GPR176: variants seen among roughly 807,000 people sequenced by gnomAD.
GPR176 encodes G-protein coupled receptor 176.
In GPR176, 26 loss-of-function variants were observed where a neutral mutation model predicts 35.4. The ratio of observed to expected loss-of-function variants is 0.74; its 90% CI spans 0.54 to 1.02. The LOEUF (loss-of-function observed/expected upper bound fraction) is 1.02, where lower values mean the gene tolerates loss of function less well. Among genes scored for constraint, GPR176 ranks in the 50% least tolerant of loss-of-function variants. The pLI is 0.00. For missense variants in GPR176, 597 were observed against 665.3 expected, an observed-to-expected ratio of 0.90 and a Z score of 1.13; for synonymous variants, 278 against 271.3, an observed-to-expected ratio of 1.02 and a Z score of -0.24.
chr15:39,871,160 C>A (rs1201093780), intron 1 of GPR176, among the ~76,000 whole-genome samples: 1 of 152,156 alleles, frequency 6.6e-6, no homozygotes, highest in Non-Finnish European at 1.5e-5. Context: ...TAAGGACAGA[C>A]TTTGGGAGGG....
In GPR176 at chr15:39,799,828, A is replaced by G. The variant is rs542922594; in HGVS notation, c.*1304T>C. 1 of 152,398 alleles carries G rather than the reference A, an allele frequency of 6.6e-6. No homozygotes were observed. The highest frequency in any genetic ancestry group is 1.9e-4 in the East Asian group (1 of 5,186). The allele number at this position is 152,398 out of a possible 1,614,324, so 9.4% of individuals were successfully genotyped here. On this transcript the variant is annotated 3_prime_UTR_variant, in exon 3 of 3. Coordinates refer to ENST00000561100, the MANE Select transcript of GPR176 (RefSeq NM_007223.3). ...GGGTCCCAAATTGCTTGTGAGGCTG[A>G]TGAGTTGAGGACACTGCCCTCCCTC...
intron 2 of GPR176, among the ~76,000 whole-genome samples, chr15:39,803,606 C>G (rs1899021748): frequency 6.6e-6 from 1 of 152,022 alleles, no homozygotes; most frequent in African/African-American, 2.4e-5. Context: ...TTCTGAGCAC[C>G]ACCTATGCAC....
intron 1 of GPR176, among the ~76,000 whole-genome samples, chr15:39,918,644 G>C (rs941121934): frequency 6.6e-6 from 1 of 151,410 alleles, no homozygotes; most frequent in African/African-American, 2.4e-5. Flanking sequence ...TAACATCCCA[G>C]TCATAAAAAC....
At chr15:39,912,463 A>G (rs1021292133) in intron 1 of GPR176, among the ~76,000 whole-genome samples, 3 of 151,880 alleles carry the variant, frequency 2.0e-5, no homozygotes, top group African/African-American at 7.3e-5. Flanking sequence ...CCAAGAAAAA[A>G]AAAAAATTAT....
At chr15:39,805,571 T>A (rs1009478844) in intron 2 of GPR176, among the ~76,000 whole-genome samples, 6 of 152,240 alleles carry the variant, frequency 3.9e-5, no homozygotes, top group African/African-American at 1.4e-4. Context: ...AACGAGAATG[T>A]GGACACACTC....
chr15:39,860,753 A>C (rs1274727593), intron 1 of GPR176: 3 of 152,188 alleles, frequency 2.0e-5, no homozygotes, highest in Non-Finnish European at 4.4e-5. Context: ...GAAGAGCCTG[A>C]TTGACTTTGC....
At chr15:39,829,072 G>T (rs945090001) in intron 1 of GPR176, 13 of 969,366 alleles carry the variant, frequency 1.3e-5, no homozygotes, top group Non-Finnish European at 1.9e-5. Flanking sequence ...GCACTGAAAG[G>T]TTAATTACCC....
intron 1 of GPR176, among the ~76,000 whole-genome samples, chr15:39,855,232 A>G (rs1281588723): frequency 2.0e-5 from 3 of 152,214 alleles, no homozygotes; most frequent in African/African-American, 7.2e-5. Flanking sequence ...GACAAAGTAC[A>G]TCGCCAATGC....
intron 1 of GPR176, among the ~76,000 whole-genome samples, chr15:39,823,393 C>T (rs1253161188): frequency 6.6e-6 from 1 of 152,190 alleles, no homozygotes; most frequent in African/African-American, 2.4e-5. Flanking sequence ...CCTCCATCCC[C>T]CTGGTTGCTC....
In GPR176 at chr15:39,801,252, A is replaced by G. The variant is rs762945212; in HGVS notation, c.1428T>C (p.Leu476=). The G allele has an allele frequency of 6.2e-6, 10 of 1,613,892 alleles. 1 individual carries two copies. In the South Asian group the frequency reaches 1.1e-4, roughly 18 times the overall value. The change falls in exon 3 of 3, where the codon CTT becomes CTC. Residue 476 remains leucine, a synonymous_variant. Coordinates refer to ENST00000561100, the MANE Select transcript of GPR176 (RefSeq NM_007223.3). ...SETRNSKKRL[L]PPLGNTPEEL... ...CTTCTGGGGTGTTGCCCAAGGGGGG[A>G]AGCAGCCGCTTCTTGCTGTTTCGGG...
intron 1 of GPR176, among the ~76,000 whole-genome samples, chr15:39,911,295 TAAAC>T (rs932170384): frequency 3.0e-4 from 46 of 152,214 alleles, no homozygotes; most frequent in Admixed American, 1.1e-3. Flanking sequence ...AAAAAATAAA[TAAAC>T]AATTCCAAAA....
intron 1 of GPR176, among the ~76,000 whole-genome samples, chr15:39,895,217 AG>A (rs2033068112): frequency 7.2e-6 from 1 of 139,694 alleles, no homozygotes; most frequent in Non-Finnish European, 1.5e-5. Context: ...GTGGAAAGAG[AG>A]GGAGAGGGAG....
intron 1 of GPR176, among the ~76,000 whole-genome samples, chr15:39,867,381 A>G (rs1025177847): frequency 1.3e-5 from 2 of 152,182 alleles, no homozygotes; most frequent in Non-Finnish European, 1.5e-5. Context: ...GACAATAAGA[A>G]TAAGTTAGGC....
At position 39,807,200 on chromosome 15, in the gene GPR176, G is replaced by C; in HGVS notation, c.231C>G (p.Asn77Lys). Residue 77 changes from asparagine (N) to lysine (K), a missense_variant, in exon 2 of 3, where the codon AAC becomes AAG. Coordinates refer to ENST00000561100, the MANE Select transcript of GPR176 (RefSeq NM_007223.3). ...AGCAGGCCAGGTTTTTAATGAACCT[G>C]TTGGTGACAGATTTGAACACGGTTG... Reference protein sequence around the residue: ...CRTTVFKSVTNRFIKNLACSG... With the variant: ...CRTTVFKSVTKRFIKNLACSG... 2 of 1,613,240 alleles carry C rather than the reference G, an allele frequency of 1.2e-6. No homozygotes were observed. Among genetic ancestry groups the C allele is most frequent in the Non-Finnish European group, 1.7e-6 (2 of 1,179,582 alleles).
chr15:39,845,613 C>T (rs1402714427), intron 1 of GPR176, among the ~76,000 whole-genome samples: 1 of 151,954 alleles, frequency 6.6e-6, no homozygotes, highest in Non-Finnish European at 1.5e-5. Flanking sequence ...TGTTAACGCT[C>T]CCCTGGTGAT....
At chr15:39,891,590 G>A (rs2032874487) in intron 1 of GPR176, among the ~76,000 whole-genome samples, 1 of 152,204 alleles carries the variant, frequency 6.6e-6, no homozygotes, top group Non-Finnish European at 1.5e-5. Flanking sequence ...TCCTGCTTCA[G>A]CCTCCCAAAG....
In GPR176 at chr15:39,864,716, C is replaced by A. The variant is rs571808083; in HGVS notation, c.172+55139G>T. 8.5e-5 allele frequency among the ~76,000 whole-genome samples: 13 copies of A among 152,150 alleles called. No individual in the cohort carries two copies. In the South Asian group the frequency reaches 2.5e-3, roughly 29 times the overall value. ...ATGGGACTTAACCCAACTAAAAAAGCTTCTGTACAGCAAAATAATCAAGAG... is the reference window on the plus strand; with the variant it reads ...ATGGGACTTAACCCAACTAAAAAAGATTCTGTACAGCAAAATAATCAAGAG... On this transcript the variant is annotated intron_variant, in intron 1 of 2. Transcript: ENST00000561100.
chr15:39,801,866 C>A lies in GPR176; in HGVS notation c.814G>T (p.Val272Leu). The A allele has an allele frequency of 2.5e-6, 4 of 1,614,062 alleles. No individual in the cohort carries two copies. The highest frequency in any genetic ancestry group is 3.4e-6 in the Non-Finnish European group (4 of 1,179,998). ...ACGCTACACAAGATGAAGACCATCA[C>A]CATGGAGAGCAGGGTGGCGTGCAGC... The part of the protein sequence containing the change: ...AELHATLLSM[V>L]MVFILCSVPY... The change falls in exon 3 of 3, where the codon GTG (valine) becomes TTG (leucine). Residue 272 changes from valine (V) to leucine (L), a missense_variant. Val to Leu is a conservative substitution (Grantham distance 32). This residue lies in a region of GPR176 where 220 missense variants were observed against 297.6 expected (regional missense o/e 0.74). Transcript: ENST00000561100.
chr15:39,891,879 C>G (rs946446529), intron 1 of GPR176, among the ~76,000 whole-genome samples: 2 of 152,038 alleles, frequency 1.3e-5, no homozygotes, highest in African/African-American at 4.8e-5. Flanking sequence ...TACTAGTGCT[C>G]CAGGTAGAAA....
Sources: allele counts gnomAD v4.1 joint callset (sites outside exome capture counted in the v4.1 genomes callset), GRCh38; gene constraint gnomAD v4.1.1; regional missense constraint gnomAD v4.1.1; transcripts MANE v1.5; gene names NCBI Gene and HGNC (gene_info 2026-07-23, HGNC 2026-07-21).